The following LINGO2 variants were observed in gnomAD, a reference collection of about 807,000 sequenced individuals.
LINGO2 encodes leucine-rich repeat and immunoglobulin-like domain-containing nogo receptor-interacting protein 2.
In LINGO2, 14 loss-of-function variants were observed where a neutral mutation model predicts 30.6. The observed-to-expected ratio is 0.46, with a 90% CI of 0.30 to 0.72. The LOEUF is 0.72. Ranked by LOEUF, LINGO2 falls within the 30% of genes least tolerant of loss-of-function variation. The pLI is 0.07. For missense variants in LINGO2, 729 were observed against 751.7 expected (o/e 0.97, Z 0.35); for synonymous variants, 317 against 288.5 (o/e 1.10, Z -1.00).
chr9:28,865,145 G>T, the LINGO2 span, among the ~76,000 whole-genome samples: 2 of 152,084 alleles, frequency 1.3e-5, no homozygotes, highest in Non-Finnish European at 2.9e-5. Flanking sequence ...CCTATCCAAA[G>T]AAATAACGTG....
At chr9:28,840,140 T>A in the LINGO2 span, among the ~76,000 whole-genome samples, 1 of 151,944 alleles carries the variant, frequency 6.6e-6, no homozygotes, top group East Asian at 1.9e-4. Context: ...ACAGAGGGGC[T>A]TCCCTGAGAG....
chr9:28,384,668 T>C (rs1275695494), intron 2 of LINGO2, among the ~76,000 whole-genome samples: 2 of 151,986 alleles, frequency 1.3e-5, no homozygotes, highest in African/African-American at 2.4e-5. Flanking sequence ...TCTTTGCTCT[T>C]AGCAATATTT....
chr9:28,444,602 T>G (rs974881572), intron 2 of LINGO2, among the ~76,000 whole-genome samples: 2 of 152,202 alleles, frequency 1.3e-5, no homozygotes, highest in Admixed American at 1.3e-4. Context: ...ACACCCTCTT[T>G]GGACTCTGTG....
intron 2 of LINGO2, among the ~76,000 whole-genome samples, chr9:28,386,391 A>G (rs2134661025): frequency 6.6e-6 from 1 of 152,252 alleles, no homozygotes; most frequent in South Asian, 2.1e-4. Context: ...TCTGATTCAT[A>G]TTTCCCTAAA....
At chr9:28,260,300 TC>T (rs1822521114) in intron 4 of LINGO2, among the ~76,000 whole-genome samples, 1 of 151,726 alleles carries the variant, frequency 6.6e-6, no homozygotes, top group African/African-American at 2.4e-5. Context: ...AACTAATGCT[TC>T]ACTCTTGAAA....
the LINGO2 span, among the ~76,000 whole-genome samples, chr9:28,944,004 G>A: frequency 1.3e-5 from 2 of 152,196 alleles, no homozygotes; most frequent in Admixed American, 1.3e-4. Context: ...TGGCTTAACA[G>A]CAATAACTAA....
At chr9:28,873,364 A>G in the LINGO2 span, among the ~76,000 whole-genome samples, 5 of 148,282 alleles carry the variant, frequency 3.4e-5, no homozygotes, top group Non-Finnish European at 7.4e-5. Flanking sequence ...TGGATGACAG[A>G]GAGAGACTCA....
At chr9:28,906,503 T>C in the LINGO2 span, among the ~76,000 whole-genome samples, 1 of 151,908 alleles carries the variant, frequency 6.6e-6, no homozygotes, top group South Asian at 2.1e-4. Flanking sequence ...CTGGCAATGA[T>C]TATTAAGTGA....
chr9:28,163,818 T>C (rs1206991446), intron 4 of LINGO2, among the ~76,000 whole-genome samples: 1 of 152,158 alleles, frequency 6.6e-6, no homozygotes, highest in Non-Finnish European at 1.5e-5. Context: ...AACTTGCCTA[T>C]TTACAGTTCA....
At position 28,430,116 on chromosome 9, in the gene LINGO2, G is replaced by GTGTA. The variant is rs773317942; in HGVS notation, c.-279+45823_-279+45824insTACA. 9.6e-3 allele frequency among the ~76,000 whole-genome samples: 953 copies of GTGTA among 99,222 alleles called. 4 individuals are homozygous for GTGTA. The highest frequency in any genetic ancestry group is 0.013 in the Admixed American group (128 of 9,868). 65.1% of individuals were successfully genotyped at this position (99,222 alleles called of 152,430 possible). A position where few individuals can be genotyped will look rare whatever the true frequency, so the allele number is the denominator to read the frequency against. On this transcript the variant is annotated intron_variant, in intron 2 of 5. Transcript: ENST00000379992. ...TTTCCACGCGCGCGCGCGCGTGTGTGTGTGTGTGTGTGTGATTCTGGATAT... is the reference window on the plus strand; with the variant it reads ...TTTCCACGCGCGCGCGCGCGTGTGTGTGTATGTGTGTGTGTGTGATTCTGGATAT...
At chr9:29,149,143 A>G in the LINGO2 span, among the ~76,000 whole-genome samples, 1 of 152,220 alleles carries the variant, frequency 6.6e-6, no homozygotes, top group Non-Finnish European at 1.5e-5. Flanking sequence ...ATACAAGCAC[A>G]CTGGGAGTAA....
At chr9:27,954,489 C>T (rs767391624) in intron 5 of LINGO2, among the ~76,000 whole-genome samples, 3 of 152,084 alleles carry the variant, frequency 2.0e-5, no homozygotes, top group Non-Finnish European at 4.4e-5. Flanking sequence ...CTATAATGGC[C>T]TTCAGTTCTA....
intron 4 of LINGO2, among the ~76,000 whole-genome samples, chr9:28,052,097 G>A (rs1454583056): frequency 2.0e-5 from 3 of 151,960 alleles, no homozygotes; most frequent in Non-Finnish European, 4.4e-5. Context: ...AGGGTAAACT[G>A]GGCCCAGTAA....
chr9:28,162,276 G>A (rs1270324835), intron 4 of LINGO2, among the ~76,000 whole-genome samples: 1 of 152,122 alleles, frequency 6.6e-6, no homozygotes, highest in Non-Finnish European at 1.5e-5. Flanking sequence ...GATATTGTTT[G>A]TCCAATAAAC....
At chr9:28,131,625 T>A (rs1359901263) in intron 4 of LINGO2, among the ~76,000 whole-genome samples, 1 of 152,160 alleles carries the variant, frequency 6.6e-6, no homozygotes, top group Non-Finnish European at 1.5e-5. Flanking sequence ...AGCTGGTAAT[T>A]TTTTTACAAT....
the LINGO2 span, among the ~76,000 whole-genome samples, chr9:28,889,899 A>T: frequency 6.6e-6 from 1 of 151,958 alleles, no homozygotes. Flanking sequence ...GCTCTAGAAA[A>T]TTTTGCCTAT....
At chr9:29,085,982 G>T in the LINGO2 span, among the ~76,000 whole-genome samples, 1 of 152,142 alleles carries the variant, frequency 6.6e-6, no homozygotes, top group Non-Finnish European at 1.5e-5. Context: ...TGGATCAACA[G>T]AGGCTTGTAC....
chr9:28,072,845 C>T (rs1825518870), intron 4 of LINGO2, among the ~76,000 whole-genome samples: 1 of 151,978 alleles, frequency 6.6e-6, no homozygotes, highest in African/African-American at 2.4e-5. Flanking sequence ...CAGGAATGGA[C>T]AACGTAGCGG....
intron 3 of LINGO2, among the ~76,000 whole-genome samples, chr9:28,349,664 C>T (rs1403546907): frequency 7.2e-6 from 1 of 138,404 alleles, no homozygotes; most frequent in Non-Finnish European, 1.6e-5. Context: ...CAAAGATACT[C>T]CTCGAGAAGA....
Sources: allele counts gnomAD v4.1 joint callset (sites outside exome capture counted in the v4.1 genomes callset), GRCh38; gene constraint gnomAD v4.1.1; transcripts MANE v1.5; gene names NCBI Gene and HGNC (gene_info 2026-07-23, HGNC 2026-07-21).